The following GPC3 variants were observed in gnomAD, a reference collection of about 807,000 sequenced individuals.
GPC3 encodes glypican-3.
GPC3 carries 3 observed loss-of-function variants against 34.4 expected under a neutral mutation model. The observed-to-expected ratio is 0.09, with a 90% CI of 0.04 to 0.23. The LOEUF is 0.23. Among genes scored for constraint, GPC3 ranks in the 10% least tolerant of loss-of-function variants. The pLI, the probability that GPC3 is intolerant of heterozygous loss-of-function variation, is 1.00. For synonymous variants in GPC3, 177 were observed against 174.0 expected (o/e 1.02, Z -0.13); for missense variants, 351 against 445.6 (o/e 0.79, Z 1.91).
At chrX:133,853,369 T>C (rs1164375152) in intron 2 of GPC3, among the ~76,000 whole-genome samples, 1 of 112,167 alleles carries the variant, frequency 8.9e-6, no homozygotes, top group African/African-American at 3.2e-5. Context: ...TTCCCTCATA[T>C]TCCTCTTCCC....
intron 2 of GPC3, among the ~76,000 whole-genome samples, chrX:133,912,424 G>T (rs1012384996): frequency 8.9e-6 from 1 of 112,025 alleles, no homozygotes; most frequent in Non-Finnish European, 1.9e-5. Context: ...AATGGTTGAG[G>T]ATTGCTCACT....
intron 2 of GPC3, among the ~76,000 whole-genome samples, chrX:133,789,587 G>A (rs981637913): frequency 5.4e-5 from 6 of 111,827 alleles, no homozygotes; most frequent in African/African-American, 2.0e-4. Flanking sequence ...CTCTATGGAC[G>A]ACTAAAAGAG....
intron 2 of GPC3, among the ~76,000 whole-genome samples, chrX:133,848,142 T>A (rs1226705688): frequency 1.8e-5 from 2 of 111,909 alleles, no homozygotes; most frequent in Non-Finnish European, 3.8e-5. Flanking sequence ...CAATAATTAT[T>A]ATGAAAGCAT....
chrX:133,851,984 C>T (rs1462205054), intron 2 of GPC3, among the ~76,000 whole-genome samples: 2 of 111,924 alleles, frequency 1.8e-5, no homozygotes, highest in East Asian at 5.6e-4. Flanking sequence ...GAAATATTTT[C>T]AAATGGATAA....
intron 3 of GPC3, among the ~76,000 whole-genome samples, chrX:133,725,329 G>A (rs752476111): frequency 6.3e-5 from 7 of 111,577 alleles, no homozygotes; most frequent in Admixed American, 9.5e-5. Flanking sequence ...TTCGAGACCC[G>A]TCTGGGCAAC....
chrX:133,951,003 C>T (rs1375872196), intron 2 of GPC3, among the ~76,000 whole-genome samples: 2 of 104,556 alleles, frequency 1.9e-5, no homozygotes, highest in African/African-American at 3.5e-5. Flanking sequence ...TCTCCATGTT[C>T]CTTTGCTAGG....
At chrX:133,958,388 T>G (rs187529377) in intron 1 of GPC3, among the ~76,000 whole-genome samples, 1 of 108,292 alleles carries the variant, frequency 9.2e-6, no homozygotes, top group African/African-American at 3.4e-5. Flanking sequence ...AAAAAAATTT[T>G]TTTTTAATGT....
intron 7 of GPC3, among the ~76,000 whole-genome samples, chrX:133,564,382 C>T (rs2069565459): frequency 9.0e-6 from 1 of 111,445 alleles, no homozygotes; most frequent in South Asian, 3.8e-4. Flanking sequence ...TCCTTTCCCT[C>T]ATCAAAATTT....
At chrX:133,744,496 TAA>T (rs1433519900) in intron 3 of GPC3, among the ~76,000 whole-genome samples, 1 of 112,116 alleles carries the variant, frequency 8.9e-6, no homozygotes, top group Non-Finnish European at 1.9e-5. Context: ...GGCAATCATT[TAA>T]AAGTCAGGAA....
At chrX:133,889,342 C>G (rs1378476038) in intron 2 of GPC3, among the ~76,000 whole-genome samples, 1 of 112,576 alleles carries the variant, frequency 8.9e-6, no homozygotes, top group Non-Finnish European at 1.9e-5. Context: ...GAAATAAACT[C>G]TGCATTCCAC....
At chrX:133,893,670 A>C (rs2076098701) in intron 2 of GPC3, among the ~76,000 whole-genome samples, 2 of 111,254 alleles carry the variant, frequency 1.8e-5, no homozygotes, top group Admixed American at 1.9e-4. Flanking sequence ...ACCCTCAGGA[A>C]GCTTGAGGAT....
In GPC3 at chrX:133,880,925, C is replaced by G. The variant is rs143733948; in HGVS notation, c.337+72125G>C. ...GTATATCTTTAATTGGTCTATATTG[C>G]TATCTTCTAAACATAGCCAGTTGTT... On this transcript the variant is annotated intron_variant, in intron 2 of 7. Transcript: ENST00000370818. Among the ~76,000 whole-genome samples, 199 of 111,853 alleles carry G rather than the reference C, an allele frequency of 1.8e-3. 1 individual carries two copies. Among genetic ancestry groups the G allele is most frequent in the Middle Eastern group, 9.3e-3 (2 of 214 alleles).
At chrX:133,675,104 C>G (rs781184604) in intron 5 of GPC3, among the ~76,000 whole-genome samples, 4 of 112,207 alleles carry the variant, frequency 3.6e-5, no homozygotes, top group Non-Finnish European at 7.5e-5. Context: ...TTTTGGATGT[C>G]TGGCTGAACT....
Position 133,762,752 on chromosome X carries a change from C to T in GPC3, c.338-8576G>A, listed in dbSNP as rs1252054913. 33 of 424,362 alleles carry T rather than the reference C, an allele frequency of 7.8e-5. No homozygotes were observed. In the East Asian group the frequency reaches 1.2e-3, roughly 16 times the overall value. The allele number at this position is 424,362 out of a possible 1,213,427, so 35.0% of individuals were successfully genotyped here. A position where few individuals can be genotyped will look rare whatever the true frequency, so the allele number is the denominator to read the frequency against. On this transcript the variant is annotated intron_variant, in intron 2 of 7. Coordinates refer to ENST00000370818, the MANE Select transcript of GPC3 (RefSeq NM_004484.4). ...CCTGCCCACAGAGGGGTCCATACAG[C>T]GTTTTTCGGGATTCCTGTCCTAACT...
chrX:133,678,968 G>A lies in GPC3; in HGVS notation c.1292+13401C>T, dbSNP rs185009448. Among the ~76,000 whole-genome samples, 4 of 112,105 alleles carry A rather than the reference G, an allele frequency of 3.6e-5. No homozygotes were observed. In the Admixed American group the frequency reaches 3.8e-4, roughly 11 times the overall value. ...CCCAGCATTGTTATTATATGTGTTT[G>A]AAAGTAATAAAACTGCATTTACTTT... On this transcript the variant is annotated intron_variant, in intron 5 of 7. Transcript: ENST00000370818.
chrX:133,786,837 G>C (rs1053785286), intron 2 of GPC3, among the ~76,000 whole-genome samples: 4 of 111,325 alleles, frequency 3.6e-5, no homozygotes, highest in African/African-American at 1.3e-4. Context: ...CTGGTCATGT[G>C]ACAAGAACCC....
At chrX:133,794,330 C>T (rs2075565879) in intron 2 of GPC3, among the ~76,000 whole-genome samples, 1 of 111,806 alleles carries the variant, frequency 8.9e-6, no homozygotes, top group Non-Finnish European at 1.9e-5. Flanking sequence ...AGAGCAGGGC[C>T]TGTGAATTCC....
At chrX:133,690,361 T>A (rs755898641) in intron 5 of GPC3, among the ~76,000 whole-genome samples, 3 of 111,627 alleles carry the variant, frequency 2.7e-5, no homozygotes, top group Non-Finnish European at 5.6e-5. Flanking sequence ...TTATGACCTC[T>A]CCTAACAGTT....
intron 7 of GPC3, among the ~76,000 whole-genome samples, chrX:133,566,385 G>A (rs1177978918): frequency 8.9e-6 from 1 of 112,049 alleles, no homozygotes; most frequent in Non-Finnish European, 1.9e-5. Flanking sequence ...ACTCTGGAGA[G>A]GACATGTAAG....
Sources: allele counts gnomAD v4.1 joint callset (sites outside exome capture counted in the v4.1 genomes callset), GRCh38; gene constraint gnomAD v4.1.1; transcripts MANE v1.5; gene names NCBI Gene and HGNC (gene_info 2026-07-23, HGNC 2026-07-21).